The following STAG1 variants were observed in gnomAD, a reference collection of about 807,000 sequenced individuals.
The protein encoded by STAG1 is STAG1 cohesin complex component.
STAG1 carries 26 observed loss-of-function variants against 170.9 expected under a neutral mutation model. The observed-to-expected ratio is 0.15, with a 90% CI of 0.11 to 0.21. The LOEUF (loss-of-function observed/expected upper bound fraction) is 0.21, where lower values mean the gene tolerates loss of function less well. Among genes scored for constraint, STAG1 ranks in the 10% least tolerant of loss-of-function variants. The pLI is 1.00. For missense variants in STAG1, 964 were observed against 1,509.5 expected (o/e 0.64, Z 5.99); for synonymous variants, 514 against 497.7 (o/e 1.03, Z -0.44).
At chr3:136,374,926 T>A in intron 23 of STAG1, among the ~76,000 whole-genome samples, 1 of 152,260 alleles carries the variant, frequency 6.6e-6, no homozygotes, top group East Asian at 1.9e-4. Context: ...CATTTTTAAA[T>A]CTTTTATACT....
intron 1 of STAG1, among the ~76,000 whole-genome samples, chr3:136,745,387 G>A (rs1934882411): frequency 6.6e-6 from 1 of 152,166 alleles, no homozygotes; most frequent in Non-Finnish European, 1.5e-5. Context: ...TGGCAAAAAG[G>A]AGTAGCCATC....
intron 4 of STAG1, among the ~76,000 whole-genome samples, chr3:136,585,871 T>C (rs1375941581): frequency 1.3e-5 from 2 of 152,204 alleles, no homozygotes; most frequent in Non-Finnish European, 2.9e-5. Flanking sequence ...AATTGTGAAT[T>C]AGCTTTTTGC....
chr3:136,679,354 T>A (rs1194856350), intron 1 of STAG1, among the ~76,000 whole-genome samples: 2 of 151,638 alleles, frequency 1.3e-5, no homozygotes, highest in Admixed American at 6.6e-5. Flanking sequence ...CCGAGGCGGA[T>A]GGGTTCCTTG....
intron 1 of STAG1, among the ~76,000 whole-genome samples, chr3:136,667,403 TAG>T (rs911186083): frequency 7.2e-5 from 11 of 152,152 alleles, no homozygotes; most frequent in African/African-American, 2.4e-4. Context: ...GAAAGATAGA[TAG>T]ATAGATAGAC....
chr3:136,356,392 C>T (rs1328331244), intron 28 of STAG1, among the ~76,000 whole-genome samples: 1 of 152,086 alleles, frequency 6.6e-6, no homozygotes, highest in Non-Finnish European at 1.5e-5. Context: ...AAAAAATCGA[C>T]TGATTGACAC....
chr3:136,521,470 A>C (rs1934666708), intron 6 of STAG1, 53 bp from the exon 7 acceptor site: 5 of 1,543,978 alleles, frequency 3.2e-6, no homozygotes, highest in Non-Finnish European at 4.4e-6. Flanking sequence ...GAGTTTGATG[A>C]AAGCTTTTTT....
intron 5 of STAG1, among the ~76,000 whole-genome samples, chr3:136,544,354 T>G (rs756837291): frequency 1.3e-5 from 2 of 152,194 alleles, no homozygotes; most frequent in Non-Finnish European, 2.9e-5. Context: ...AAGCCTTCTA[T>G]ACATCCCTCC....
chr3:136,698,614 A>AT (rs1942965497), intron 1 of STAG1, among the ~76,000 whole-genome samples: 1 of 152,222 alleles, frequency 6.6e-6, no homozygotes. Flanking sequence ...TAGAACTACC[A>AT]TTTGATCCAA....
chr3:136,400,440 C>T (rs1456262151), intron 21 of STAG1, among the ~76,000 whole-genome samples: 6 of 152,036 alleles, frequency 3.9e-5, no homozygotes, highest in Admixed American at 1.3e-4. Flanking sequence ...AGGCTGGTCT[C>T]GAACTTCTGA....
At chr3:136,715,003 AAT>A (rs1287298790) in intron 1 of STAG1, among the ~76,000 whole-genome samples, 8 of 111,810 alleles carry the variant, frequency 7.2e-5, no homozygotes, top group East Asian at 4.3e-4. Flanking sequence ...TTATATATAT[AAT>A]ATATATATAA....
In STAG1 at chr3:136,664,676, CT is replaced by C. The variant is rs904890587; in HGVS notation, c.-83-33696del. 1.2e-3 allele frequency among the ~76,000 whole-genome samples: 173 copies of C among 149,090 alleles called. 1 individual carries two copies. Among genetic ancestry groups the C allele is most frequent in the African/African-American group, 4.0e-3 (162 of 40,852 alleles). Reference sequence around the variant, plus strand: ...TGTGCTTTACACACAAAAAGAGCAACTTTTTTTTTTGCCCCCAAAACCAATT... The same window carrying C: ...TGTGCTTTACACACAAAAAGAGCAACTTTTTTTTTGCCCCCAAAACCAATT... On this transcript the variant is annotated intron_variant, in intron 1 of 33. Coordinates refer to ENST00000383202, the MANE Select transcript of STAG1 (RefSeq NM_005862.3).
chr3:136,652,718 A>G (rs1941257145), intron 1 of STAG1, among the ~76,000 whole-genome samples: 1 of 152,222 alleles, frequency 6.6e-6, no homozygotes, highest in South Asian at 2.1e-4. Flanking sequence ...AAATCTGTTA[A>G]CATCTCCCTC....
At chr3:136,400,574 T>C (rs1406243361) in intron 21 of STAG1, among the ~76,000 whole-genome samples, 1 of 151,956 alleles carries the variant, frequency 6.6e-6, no homozygotes, top group Admixed American at 6.6e-5. Context: ...CTCGCTTTGT[T>C]GCCCAGGCGG....
intron 6 of STAG1, among the ~76,000 whole-genome samples, chr3:136,531,612 G>A (rs1935370938): frequency 6.6e-6 from 1 of 151,564 alleles, no homozygotes; most frequent in Non-Finnish European, 1.5e-5. Flanking sequence ...CCTTTGTAGG[G>A]ACATGGATGA....
At chr3:136,346,232 T>C (rs911985899) in intron 29 of STAG1, among the ~76,000 whole-genome samples, 2 of 152,238 alleles carry the variant, frequency 1.3e-5, no homozygotes, top group African/African-American at 4.8e-5. Flanking sequence ...ATATTAATAC[T>C]TAATCTGTAG....
chr3:136,396,116 G>C (rs1560084496), intron 22 of STAG1, among the ~76,000 whole-genome samples: 1 of 151,504 alleles, frequency 6.6e-6, no homozygotes, highest in Non-Finnish European at 1.5e-5. Context: ...TAGCCAGGCT[G>C]TTCTGGAATT....
chr3:136,679,756 G>A (rs1273871707), intron 1 of STAG1, among the ~76,000 whole-genome samples: 3 of 149,790 alleles, frequency 2.0e-5, no homozygotes, highest in African/African-American at 4.9e-5. Flanking sequence ...AAAAAAATCA[G>A]CCGGGCATGG....
intron 22 of STAG1, among the ~76,000 whole-genome samples, chr3:136,388,136 T>G (rs2086915953): frequency 6.6e-6 from 1 of 152,216 alleles, no homozygotes; most frequent in Non-Finnish European, 1.5e-5. Flanking sequence ...AAATAACATT[T>G]ACTGTTAATT....
intron 5 of STAG1, among the ~76,000 whole-genome samples, chr3:136,557,929 ATTCT>A (rs1162903297): frequency 6.6e-6 from 1 of 152,236 alleles, no homozygotes; most frequent in Non-Finnish European, 1.5e-5. Flanking sequence ...ATGTTCATTC[ATTCT>A]TTCAATAAAT....
Sources: gnomAD v4.1 joint callset for allele counts (sites outside exome capture counted in the v4.1 genomes callset) on GRCh38, gnomAD v4.1.1 for gene constraint, MANE v1.5 for transcripts, NCBI Gene and HGNC (gene_info 2026-07-23, HGNC 2026-07-21) for gene names.